The following MBNL2 variants were observed in gnomAD, a reference collection of about 807,000 sequenced individuals.
MBNL2 encodes muscleblind-like protein 2.
A neutral mutation model predicts 41.9 loss-of-function variants in MBNL2; 17 were observed. The observed-to-expected ratio is 0.41, with a 90% CI of 0.28 to 0.61. The LOEUF is 0.61. MBNL2 is among the 20% of genes least tolerant of loss of function. The probability of loss-of-function intolerance (pLI) is 0.35; values close to 1 mark genes in which losing one functional copy is unlikely to be tolerated. For synonymous variants in MBNL2, 195 were observed against 182.9 expected (o/e 1.07, Z -0.53); for missense variants, 336 against 505.6 (o/e 0.66, Z 3.22).
chr13:97,204,861 G>T, the MBNL2 span, among the ~76,000 whole-genome samples: 2 of 152,152 alleles, frequency 1.3e-5, no homozygotes, highest in East Asian at 3.9e-4. Context: ...ATCACCTGAG[G>T]TCAGGAGTTT....
chr13:97,343,648 G>A (rs1258481650), intron 4 of MBNL2, among the ~76,000 whole-genome samples: 2 of 152,178 alleles, frequency 1.3e-5, no homozygotes, highest in African/African-American at 4.8e-5. Flanking sequence ...GGACACTGGT[G>A]GGAGTAAGTG....
chr13:97,304,619 A>G (rs2057952123), intron 2 of MBNL2, among the ~76,000 whole-genome samples: 1 of 152,216 alleles, frequency 6.6e-6, no homozygotes, highest in Non-Finnish European at 1.5e-5. Flanking sequence ...TATAAGCCAG[A>G]TGATCTTATG....
intron 2 of MBNL2, among the ~76,000 whole-genome samples, chr13:97,325,089 A>G (rs896242618): frequency 2.6e-5 from 4 of 152,126 alleles, no homozygotes; most frequent in African/African-American, 9.7e-5. Context: ...TAACATCACA[A>G]CTGGTTTCAT....
chr13:97,256,492 G>A (rs1162462527), intron 1 of MBNL2, among the ~76,000 whole-genome samples: 8 of 152,144 alleles, frequency 5.3e-5, no homozygotes, highest in African/African-American at 1.9e-4. Context: ...AATATTTGCT[G>A]CTGATGAGTC....
At chr13:97,164,643 G>A in the MBNL2 span, among the ~76,000 whole-genome samples, 1 of 151,430 alleles carries the variant, frequency 6.6e-6, no homozygotes, top group Non-Finnish European at 1.5e-5. Context: ...TTGGTAAAGT[G>A]GTATATTAAT....
the MBNL2 span, among the ~76,000 whole-genome samples, chr13:97,167,421 T>C: frequency 6.6e-6 from 1 of 151,204 alleles, no homozygotes; most frequent in Admixed American, 6.6e-5. Context: ...GTGTGTCTAA[T>C]AAATGAAAAC....
Position 97,324,192 on chromosome 13 carries a change from G to A in MBNL2, c.175-10084G>A, listed in dbSNP as rs182751640. On this transcript the variant is annotated intron_variant, in intron 2 of 8. Transcript: ENST00000679496. ...TCATCCCTGACCTCTAAACTAAGGA[G>A]AGCTCCCTGCAATGCATTCACACCG... 2.0e-4 allele frequency among the ~76,000 whole-genome samples: 30 copies of A among 152,248 alleles called. No homozygotes were observed. The East Asian group carries it at 5.0e-3, about 25-fold the overall frequency.
At chr13:97,223,415 T>G (rs1235141823) in intron 1 of MBNL2, among the ~76,000 whole-genome samples, 1 of 152,242 alleles carries the variant, frequency 6.6e-6, no homozygotes, top group African/African-American at 2.4e-5. Flanking sequence ...TGCTAAAGAA[T>G]TCTTTCTGCC....
At chr13:97,214,889 C>T in the MBNL2 span, among the ~76,000 whole-genome samples, 1 of 152,300 alleles carries the variant, frequency 6.6e-6, no homozygotes, top group South Asian at 2.1e-4. Flanking sequence ...AAGACAGTGA[C>T]AGGGGAAATG....
intron 2 of MBNL2, among the ~76,000 whole-genome samples, chr13:97,324,052 A>G (rs1450028519): frequency 1.3e-5 from 2 of 152,068 alleles, no homozygotes; most frequent in Non-Finnish European, 2.9e-5. Context: ...CCCATTAACC[A>G]TCCCCACCTC....
chr13:97,290,104 A>G (rs2055520347), intron 2 of MBNL2, among the ~76,000 whole-genome samples: 1 of 152,164 alleles, frequency 6.6e-6, no homozygotes, highest in African/African-American at 2.4e-5. Flanking sequence ...TTCCCAAACC[A>G]GTTCTGGTTT....
At chr13:97,309,936 A>C (rs2058437582) in intron 2 of MBNL2, among the ~76,000 whole-genome samples, 1 of 152,262 alleles carries the variant, frequency 6.6e-6, no homozygotes, top group African/African-American at 2.4e-5. Flanking sequence ...AGAATAGCAC[A>C]GAGAAGGACT....
At chr13:97,192,951 C>G in the MBNL2 span, among the ~76,000 whole-genome samples, 4 of 152,282 alleles carry the variant, frequency 2.6e-5, no homozygotes, top group Admixed American at 2.6e-4. Flanking sequence ...GCTTTAGTCC[C>G]AAGACAATTC....
intron 1 of MBNL2, among the ~76,000 whole-genome samples, chr13:97,267,441 C>G (rs1464275383): frequency 6.6e-6 from 1 of 152,168 alleles, no homozygotes; most frequent in Admixed American, 6.5e-5. Context: ...TACTACAGAA[C>G]CTCGTTTCTT....
At chr13:97,288,357 A>G (rs2152965606) in intron 2 of MBNL2, among the ~76,000 whole-genome samples, 1 of 152,294 alleles carries the variant, frequency 6.6e-6, no homozygotes, top group East Asian at 1.9e-4. Flanking sequence ...ACCTGAGAGG[A>G]CCCAAGAAAT....
chr13:97,228,767 T>A (rs2042007950), intron 1 of MBNL2, among the ~76,000 whole-genome samples: 1 of 151,902 alleles, frequency 6.6e-6, no homozygotes, highest in Non-Finnish European at 1.5e-5. Context: ...TGACCTCAGG[T>A]AATCCACCCG....
intron 1 of MBNL2, among the ~76,000 whole-genome samples, chr13:97,271,112 G>GTTTTTTTTTTTTTTTTTTTTT (rs369155404): frequency 2.2e-5 from 3 of 133,396 alleles, no homozygotes; most frequent in Non-Finnish European, 4.8e-5. Flanking sequence ...GCTCTTTTTT[G>GTTTTTTTTTTTTTTTTTTTTT]TTTTTTTTTT....
At chr13:97,225,690 G>A (rs925264573) in intron 1 of MBNL2, among the ~76,000 whole-genome samples, 2 of 152,142 alleles carry the variant, frequency 1.3e-5, no homozygotes, top group Non-Finnish European at 2.9e-5. Context: ...TCAAGAGTCA[G>A]GCCAGGCAAG....
the MBNL2 span, among the ~76,000 whole-genome samples, chr13:97,184,041 T>C: frequency 2.6e-5 from 4 of 152,212 alleles, no homozygotes; most frequent in Admixed American, 2.6e-4. Flanking sequence ...GTATTACAGC[T>C]TCAATGATCA....
Sources: gnomAD v4.1 joint callset for allele counts (sites outside exome capture counted in the v4.1 genomes callset) on GRCh38, gnomAD v4.1.1 for gene constraint, MANE v1.5 for transcripts, NCBI Gene and HGNC (gene_info 2026-07-23, HGNC 2026-07-21) for gene names.